The following CAMTA1 variants were observed in gnomAD, a reference collection of about 807,000 sequenced individuals.
CAMTA1 encodes calmodulin-binding transcription activator 1.
In CAMTA1, 27 loss-of-function variants were observed where a neutral mutation model predicts 170.9. The ratio of observed to expected loss-of-function variants is 0.16; its 90% CI spans 0.12 to 0.22. The LOEUF (loss-of-function observed/expected upper bound fraction) is 0.22, where lower values mean the gene tolerates loss of function less well. Among genes scored for constraint, CAMTA1 ranks in the 10% least tolerant of loss-of-function variants. CAMTA1 has a pLI of 1.00. For missense variants in CAMTA1, 1,619 were observed against 2,217.2 expected, an observed-to-expected ratio of 0.73 and a Z score of 5.42; for synonymous variants, 833 against 891.5, an observed-to-expected ratio of 0.93 and a Z score of 1.17.
intron 3 of CAMTA1, among the ~76,000 whole-genome samples, chr1:6,878,819 C>T (rs1033895335): frequency 1.3e-5 from 2 of 152,218 alleles, no homozygotes; most frequent in African/African-American, 4.8e-5. Flanking sequence ...TCTTACCCCT[C>T]CTCAAAACCC....
At chr1:7,572,127 G>T (rs2095133079) in intron 6 of CAMTA1, among the ~76,000 whole-genome samples, 1 of 152,194 alleles carries the variant, frequency 6.6e-6, no homozygotes. Flanking sequence ...TTGGCCGCAT[G>T]TATGTCTTCT....
intron 18 of CAMTA1, among the ~76,000 whole-genome samples, chr1:7,746,615 C>T (rs775021485): frequency 5.3e-5 from 8 of 152,136 alleles, no homozygotes; most frequent in Non-Finnish European, 8.8e-5. Context: ...GGGGCTTTTC[C>T]GGCACAGAAC....
chr1:7,427,096 C>T (rs7537337), intron 5 of CAMTA1, among the ~76,000 whole-genome samples: 2 of 152,048 alleles, frequency 1.3e-5, no homozygotes, highest in South Asian at 4.2e-4. Context: ...ACAAGCGAGG[C>T]CTCCAGCAGG....
At chr1:7,462,704 T>G (rs1575458454) in intron 5 of CAMTA1, among the ~76,000 whole-genome samples, 1 of 152,032 alleles carries the variant, frequency 6.6e-6, no homozygotes, top group African/African-American at 2.4e-5. Flanking sequence ...TTGGGATGCA[T>G]CCCCACCCCA....
intron 3 of CAMTA1, among the ~76,000 whole-genome samples, chr1:7,069,482 A>G (rs1638312798): frequency 6.6e-6 from 1 of 152,208 alleles, no homozygotes; most frequent in Non-Finnish European, 1.5e-5. Context: ...CGGGGCAATC[A>G]GTAGTTGCTG....
intron 4 of CAMTA1, among the ~76,000 whole-genome samples, chr1:7,151,744 G>A (rs531339238): frequency 3.8e-4 from 58 of 152,322 alleles, no homozygotes; most frequent in Non-Finnish European, 6.2e-4. Context: ...TGCTCCTGGT[G>A]ACCATTGGGA....
chr1:7,358,006 G>A (rs2085254468), intron 5 of CAMTA1, among the ~76,000 whole-genome samples: 1 of 152,228 alleles, frequency 6.6e-6, no homozygotes, highest in Non-Finnish European at 1.5e-5. Flanking sequence ...AGGGCTGCTT[G>A]TGTGCTGGAG....
intron 4 of CAMTA1, among the ~76,000 whole-genome samples, chr1:7,227,017 T>A (rs1287971064): frequency 1.3e-5 from 2 of 151,800 alleles, no homozygotes; most frequent in Non-Finnish European, 2.9e-5. Flanking sequence ...GTATTTTTAG[T>A]AGAGACGGGG....
At chr1:6,905,580 C>G (rs1291301757) in intron 3 of CAMTA1, among the ~76,000 whole-genome samples, 1 of 152,292 alleles carries the variant, frequency 6.6e-6, no homozygotes, top group East Asian at 1.9e-4. Context: ...AGCTTCAGCT[C>G]CTAGTGGAAC....
At chr1:7,521,613 G>T (rs2094366596) in intron 6 of CAMTA1, among the ~76,000 whole-genome samples, 1 of 152,004 alleles carries the variant, frequency 6.6e-6, no homozygotes, top group South Asian at 2.1e-4. Context: ...CACAATCTCA[G>T]CTCACTGCAA....
At chr1:7,415,057 A>C (rs1470554182) in intron 5 of CAMTA1, among the ~76,000 whole-genome samples, 1 of 151,790 alleles carries the variant, frequency 6.6e-6, no homozygotes, top group Non-Finnish European at 1.5e-5. Flanking sequence ...GTTTCCATGT[A>C]GTTGAGCAGT....
intron 21 of CAMTA1, 89 bp downstream of exon 21, chr1:7,752,622 C>A: frequency 1.0e-6 from 1 of 982,538 alleles, no homozygotes; most frequent in Non-Finnish European, 1.5e-6. Context: ...CTATGTAAAG[C>A]TAATCCCCCT....
chr1:7,560,296 G>A (rs1024089286), intron 6 of CAMTA1, among the ~76,000 whole-genome samples: 1 of 152,228 alleles, frequency 6.6e-6, no homozygotes, highest in East Asian at 1.9e-4. Context: ...GTCCCCTGGG[G>A]TCGCTTGTGT....
At chr1:7,061,570 C>G (rs1708212284) in intron 3 of CAMTA1, among the ~76,000 whole-genome samples, 2 of 152,072 alleles carry the variant, frequency 1.3e-5, no homozygotes, top group Admixed American at 1.3e-4. Flanking sequence ...AGGTCAAGAC[C>G]AGGCCAGATT....
Position 7,146,052 on chromosome 1 carries a change from G to A in CAMTA1, c.302+54681G>A, listed in dbSNP as rs1003884761. Among the ~76,000 whole-genome samples, 2 of 152,162 alleles carry A rather than the reference G, an allele frequency of 1.3e-5. No individual in the cohort carries two copies. The highest frequency in any genetic ancestry group is 1.9e-4 in the East Asian group (1 of 5,206). On this transcript the variant is annotated intron_variant, in intron 4 of 22. Transcript: ENST00000303635. The surrounding 1 kb of genome is among the most constrained non-coding windows in gnomAD (Gnocchi z 4.3). ...CTTCTATTTACTGAACACTTACTACGTGCGTGGCACTATGCCCAGTGCTTT... is the reference window on the plus strand; with the variant it reads ...CTTCTATTTACTGAACACTTACTACATGCGTGGCACTATGCCCAGTGCTTT...
chr1:7,645,625 C>G (rs932525651), intron 7 of CAMTA1, among the ~76,000 whole-genome samples: 2 of 152,244 alleles, frequency 1.3e-5, no homozygotes, highest in Non-Finnish European at 2.9e-5. Context: ...TTCGAAGGCC[C>G]GGAAATCAGC....
chr1:7,428,747 C>T (rs946161154), intron 5 of CAMTA1, among the ~76,000 whole-genome samples: 4 of 152,072 alleles, frequency 2.6e-5, no homozygotes, highest in Non-Finnish European at 5.9e-5. Flanking sequence ...CCCACCACCC[C>T]TGTGCCTAAT....
At chr1:7,040,488 T>C (rs1294897299) in intron 3 of CAMTA1, among the ~76,000 whole-genome samples, 1 of 152,194 alleles carries the variant, frequency 6.6e-6, no homozygotes, top group Non-Finnish European at 1.5e-5. Flanking sequence ...ATGCCTCCTC[T>C]GGATTCATTA....
chr1:6,969,870 T>G (rs1349471123), intron 3 of CAMTA1, among the ~76,000 whole-genome samples: 1 of 152,216 alleles, frequency 6.6e-6, no homozygotes, highest in Non-Finnish European at 1.5e-5. Context: ...AGCCTTGGTC[T>G]CCTTTCTGCA....
Sources: gnomAD v4.1 joint callset for allele counts (sites outside exome capture counted in the v4.1 genomes callset) on GRCh38, gnomAD v4.1.1 for gene constraint, Gnocchi (gnomAD v3.1) non-coding constraint, MANE v1.5 for transcripts, NCBI Gene and HGNC (gene_info 2026-07-23, HGNC 2026-07-21) for gene names.